TBXAS1: variants seen among roughly 807,000 people sequenced by gnomAD.
The protein encoded by TBXAS1 is thromboxane A synthase 1.
Under a neutral mutation model 60.7 loss-of-function variants are expected in TBXAS1, and 48 were observed. The ratio of observed to expected loss-of-function variants is 0.79; its 90% CI spans 0.63 to 1.01. The LOEUF is 1.01. TBXAS1 is among the 50% of genes least tolerant of loss of function. The pLI, the probability that TBXAS1 is intolerant of heterozygous loss-of-function variation, is 0.00. For missense variants in TBXAS1, 685 were observed against 686.3 expected, an observed-to-expected ratio of 1.00 and a Z score of 0.02; for synonymous variants, 287 against 269.7, an observed-to-expected ratio of 1.06 and a Z score of -0.63.
intron 3 of TBXAS1, among the ~76,000 whole-genome samples, chr7:139,900,675 AT>A (rs1804495462): frequency 6.6e-6 from 1 of 152,154 alleles, no homozygotes; most frequent in African/African-American, 2.4e-5. Flanking sequence ...TGGACTCTAT[AT>A]TGTGCTTTGT....
intron 4 of TBXAS1, among the ~76,000 whole-genome samples, chr7:139,915,956 C>T (rs1176718619): frequency 1.3e-5 from 2 of 152,162 alleles, no homozygotes; most frequent in Non-Finnish European, 2.9e-5. Context: ...TCAATGTCCT[C>T]AGTGCTTCCT....
At chr7:139,933,082 G>A (rs1807463807) in intron 4 of TBXAS1, among the ~76,000 whole-genome samples, 1 of 151,968 alleles carries the variant, frequency 6.6e-6, no homozygotes, top group Admixed American at 6.6e-5. Context: ...AATGTTTTCA[G>A]AAATAAAAAC....
intron 1 of TBXAS1, among the ~76,000 whole-genome samples, chr7:139,866,137 G>A (rs1461888409): frequency 6.6e-6 from 1 of 152,132 alleles, no homozygotes; most frequent in Non-Finnish European, 1.5e-5. Flanking sequence ...AGGACTAGCT[G>A]GGACAAACTT....
In TBXAS1 at chr7:140,013,380, G is replaced by A. The variant is rs1238062531; in HGVS notation, c.1227-2343G>A. Among the ~76,000 whole-genome samples the A allele has an allele frequency of 2.6e-5, 4 of 152,268 alleles. No homozygotes were observed. Among genetic ancestry groups the A allele is most frequent in the Non-Finnish European group, 4.4e-5 (3 of 68,026 alleles). On this transcript the variant is annotated intron_variant, in intron 10 of 12. Transcript: ENST00000448866. The surrounding 1 kb of genome is among the most constrained non-coding windows in gnomAD (Gnocchi z 4.2). ...GGAAGTCACTGACACAGGTGGTCTC[G>A]ATGCTCACTCCAAGAGTTGAGTTGT...
At chr7:139,887,971 C>T (rs2116911997) in intron 3 of TBXAS1, among the ~76,000 whole-genome samples, 1 of 152,286 alleles carries the variant, frequency 6.6e-6, no homozygotes, top group South Asian at 2.1e-4. Flanking sequence ...TGAGAGTGAG[C>T]TCAGGTTAAA....
At position 139,936,231 on chromosome 7, in the gene TBXAS1, T is replaced by C. The variant is rs776627683; in HGVS notation, c.374T>C (p.Leu125Pro). 1.2e-6 allele frequency: 2 copies of C among 1,614,232 alleles called. No individual in the cohort carries two copies. The highest frequency in any genetic ancestry group is 2.2e-5 in the East Asian group (1 of 44,888). The change falls in exon 5 of 13, where the codon CTG (leucine) becomes CCG (proline). Residue 125 changes from leucine (L) to proline (P), a missense_variant. Physicochemically the swap from Leu to Pro is moderately conservative, Grantham distance 98. Coordinates refer to ENST00000448866, the MANE Select transcript of TBXAS1 (RefSeq NM_001061.7). The part of the protein sequence containing the change: ...LEFKSVADSV[L>P]FLRDKRWEEV... ...TTCAAGTCGGTAGCCGACAGCGTTC[T>C]GTTTTTACGTGACAAAAGATGGGAA...
chr7:139,854,850 G>A (rs1257653462), intron 1 of TBXAS1, among the ~76,000 whole-genome samples: 1 of 152,182 alleles, frequency 6.6e-6, no homozygotes, highest in Non-Finnish European at 1.5e-5. Context: ...GTTTTCTGTA[G>A]GATAAGCTCT....
intron 5 of TBXAS1, among the ~76,000 whole-genome samples, chr7:139,939,569 C>T (rs1253273121): frequency 6.6e-6 from 1 of 151,770 alleles, no homozygotes; most frequent in East Asian, 1.9e-4. Flanking sequence ...TTTTCCCCAC[C>T]TCTGGGGATT....
intron 1 of TBXAS1, among the ~76,000 whole-genome samples, chr7:139,840,925 G>A (rs959646588): frequency 4.6e-5 from 7 of 152,208 alleles, no homozygotes; most frequent in Non-Finnish European, 1.0e-4. Context: ...GGTACAGAAG[G>A]CCACCGAGTG....
chr7:139,815,387 T>G (rs1798119861), intron 4 of TBXAS1, among the ~76,000 whole-genome samples: 1 of 152,212 alleles, frequency 6.6e-6, no homozygotes, highest in African/African-American at 2.4e-5. Context: ...ATTTGGTCAA[T>G]TCCATGAAGA....
At chr7:139,782,981 C>A (rs1797049898) in intron 3 of TBXAS1, among the ~76,000 whole-genome samples, 1 of 152,042 alleles carries the variant, frequency 6.6e-6, no homozygotes, top group Non-Finnish European at 1.5e-5. Flanking sequence ...CTGCTTTAAA[C>A]CTTTGATCGG....
upstream of TBXAS1, among the ~76,000 whole-genome samples, chr7:139,826,413 G>A (rs1342499050): frequency 6.6e-6 from 1 of 152,118 alleles, no homozygotes; most frequent in Non-Finnish European, 1.5e-5. Context: ...AATAAGCAGG[G>A]AACTACAGAG....
intron 9 of TBXAS1, among the ~76,000 whole-genome samples, chr7:140,001,138 T>C (rs1049792815): frequency 6.6e-6 from 1 of 152,182 alleles, no homozygotes; most frequent in Non-Finnish European, 1.5e-5. Context: ...GGCTTCCTCA[T>C]TGGGTGTGGA....
chr7:139,780,588 A>G (rs1447333794), intron 1 of TBXAS1, among the ~76,000 whole-genome samples: 2 of 152,218 alleles, frequency 1.3e-5, no homozygotes, highest in African/African-American at 2.4e-5. Context: ...GGCATTTCAT[A>G]TAGTCCTCAT....
intron 2 of TBXAS1, among the ~76,000 whole-genome samples, chr7:139,875,055 A>G (rs764654372): frequency 6.6e-6 from 1 of 152,178 alleles, no homozygotes; most frequent in Non-Finnish European, 1.5e-5. Flanking sequence ...AGATCACACC[A>G]CTGCACTCCA....
intron 4 of TBXAS1, among the ~76,000 whole-genome samples, chr7:139,917,637 T>A (rs1476494105): frequency 6.6e-6 from 1 of 152,248 alleles, no homozygotes. Flanking sequence ...GTTTTAATTC[T>A]AACATCTTTA....
Position 139,973,146 on chromosome 7 carries a change from C to T in TBXAS1, c.1134+10913C>T, listed in dbSNP as rs915399973. ...AAGAAAAGGAGGGAGCCTCAGCCCT[C>T]GGCCTCCGAGGAGACCTCTGGGGAC... On this transcript the variant is annotated intron_variant, in intron 9 of 12. Coordinates refer to ENST00000448866, the MANE Select transcript of TBXAS1 (RefSeq NM_001061.7). Among the ~76,000 whole-genome samples, 6 of 152,258 alleles carry T rather than the reference C, an allele frequency of 3.9e-5. No homozygotes were observed. The East Asian group carries it at 9.6e-4, about 24-fold the overall frequency.
At chr7:139,930,738 C>T (rs1245239216) in intron 4 of TBXAS1, among the ~76,000 whole-genome samples, 1 of 152,074 alleles carries the variant, frequency 6.6e-6, no homozygotes, top group Non-Finnish European at 1.5e-5. Context: ...GAGTTTGCAC[C>T]AGGATAGGGC....
chr7:139,969,432 GA>G (rs914668604), intron 9 of TBXAS1, among the ~76,000 whole-genome samples: 4 of 42,380 alleles, frequency 9.4e-5, no homozygotes, highest in Non-Finnish European at 1.8e-4. Context: ...GGATCTCCAA[GA>G]AAAAAAAGCA....
Sources: allele counts gnomAD v4.1 joint callset (sites outside exome capture counted in the v4.1 genomes callset), GRCh38; gene constraint gnomAD v4.1.1; non-coding constraint Gnocchi (gnomAD v3.1); transcripts MANE v1.5; gene names NCBI Gene and HGNC (gene_info 2026-07-23, HGNC 2026-07-21).